The following PDE4D variants were observed in gnomAD, a reference collection of about 807,000 sequenced individuals.
PDE4D encodes the protein phosphodiesterase 4D, also known as 3',5'-cyclic-AMP phosphodiesterase 4D.
In PDE4D, 24 loss-of-function variants were observed where a neutral mutation model predicts 87.4. The ratio of observed to expected loss-of-function variants is 0.27; its 90% CI spans 0.20 to 0.39. The LOEUF (loss-of-function observed/expected upper bound fraction) is 0.39, where lower values mean the gene tolerates loss of function less well. Among genes scored for constraint, PDE4D ranks in the 10% least tolerant of loss-of-function variants. PDE4D has a pLI of 1.00. For missense variants in PDE4D, 714 were observed against 1,041.0 expected, an observed-to-expected ratio of 0.69 and a Z score of 4.32; for synonymous variants, 384 against 383.2, an observed-to-expected ratio of 1.00 and a Z score of -0.02.
intron 2 of PDE4D, among the ~76,000 whole-genome samples, chr5:60,119,949 T>C (rs1447114887): frequency 1.3e-5 from 2 of 152,064 alleles, no homozygotes; most frequent in Non-Finnish European, 2.9e-5. Context: ...CACTGAGAGA[T>C]GTAAAGGTAA....
chr5:59,626,393 A>G (rs1018973035), intron 1 of PDE4D, among the ~76,000 whole-genome samples: 9 of 152,236 alleles, frequency 5.9e-5, no homozygotes, highest in Non-Finnish European at 1.0e-4. Flanking sequence ...TATCCCAATA[A>G]AGCTGAAAGT....
At chr5:59,496,156 G>C (rs1316693110) in intron 1 of PDE4D, among the ~76,000 whole-genome samples, 1 of 152,094 alleles carries the variant, frequency 6.6e-6, no homozygotes, top group Admixed American at 6.5e-5. Flanking sequence ...AGCAGCCCGG[G>C]CTCTCCTATG....
intron 1 of PDE4D, among the ~76,000 whole-genome samples, chr5:60,243,297 A>G (rs1428541328): frequency 1.3e-5 from 2 of 152,050 alleles, no homozygotes; most frequent in African/African-American, 4.8e-5. Flanking sequence ...GAACAGACCA[A>G]TAATAAGCAA....
chr5:59,983,939 A>T (rs1326316568), intron 3 of PDE4D, among the ~76,000 whole-genome samples: 1 of 152,198 alleles, frequency 6.6e-6, no homozygotes, highest in Non-Finnish European at 1.5e-5. Context: ...CTCAAACTAG[A>T]AACAACCCAA....
At chr5:60,129,836 A>G (rs979365912) in intron 2 of PDE4D, among the ~76,000 whole-genome samples, 6 of 152,222 alleles carry the variant, frequency 3.9e-5, no homozygotes, top group African/African-American at 7.2e-5. Flanking sequence ...GCTAGAACAG[A>G]AAGGTCTCTA....
chr5:60,464,432 A>G (rs778854466), intron 1 of PDE4D, among the ~76,000 whole-genome samples: 8 of 152,158 alleles, frequency 5.3e-5, no homozygotes, highest in African/African-American at 9.7e-5. Flanking sequence ...TCCAGTCATC[A>G]CTCTGGATAT....
chr5:59,756,530 A>G (rs542961508), intron 1 of PDE4D, among the ~76,000 whole-genome samples: 2 of 151,958 alleles, frequency 1.3e-5, no homozygotes, highest in East Asian at 3.9e-4. Context: ...ACACACACAC[A>G]CACACAGAGA....
chr5:59,135,416 G>A (rs1305516914), intron 5 of PDE4D, among the ~76,000 whole-genome samples: 1 of 152,172 alleles, frequency 6.6e-6, no homozygotes, highest in Non-Finnish European at 1.5e-5. Context: ...TGTGGTCCCT[G>A]TTTCTGGGGT....
intron 6 of PDE4D, among the ~76,000 whole-genome samples, chr5:59,037,776 G>A (rs906424269): frequency 3.3e-5 from 5 of 152,056 alleles, no homozygotes; most frequent in Non-Finnish European, 7.4e-5. Context: ...TGGCTGTTAT[G>A]CCGTGGCCTT....
At chr5:60,177,641 T>C (rs1784036014) in intron 2 of PDE4D, among the ~76,000 whole-genome samples, 1 of 152,192 alleles carries the variant, frequency 6.6e-6, no homozygotes, top group African/African-American at 2.4e-5. Context: ...AACCTATTCT[T>C]TGACTGCAAA....
At chr5:59,415,073 T>G (rs180975148) in intron 1 of PDE4D, among the ~76,000 whole-genome samples, 1 of 152,064 alleles carries the variant, frequency 6.6e-6, no homozygotes, top group Non-Finnish European at 1.5e-5. Context: ...AAATAGGAGA[T>G]CATTGCAGCT....
At chr5:60,480,190 G>A (rs1462115000) in intron 1 of PDE4D, among the ~76,000 whole-genome samples, 1 of 152,064 alleles carries the variant, frequency 6.6e-6, no homozygotes, top group African/African-American at 2.4e-5. Flanking sequence ...CAAAGATACA[G>A]GGATCCTTTT....
chr5:60,033,726 G>A (rs1006472231), intron 2 of PDE4D, among the ~76,000 whole-genome samples: 2 of 152,138 alleles, frequency 1.3e-5, no homozygotes, highest in Admixed American at 6.5e-5. Context: ...TTTTGAAGAG[G>A]AACATTTTCA....
At chr5:60,296,661 CT>C (rs1244972301) in intron 1 of PDE4D, among the ~76,000 whole-genome samples, 2 of 152,138 alleles carry the variant, frequency 1.3e-5, no homozygotes, top group African/African-American at 4.8e-5. Context: ...TATTGCAGCA[CT>C]TTTCACAACA....
At chr5:59,423,722 A>G (rs1050986061) in intron 1 of PDE4D, among the ~76,000 whole-genome samples, 3 of 152,162 alleles carry the variant, frequency 2.0e-5, no homozygotes, top group Admixed American at 6.6e-5. Flanking sequence ...AGTTATTTAT[A>G]CCTAAAATAC....
chr5:59,692,709 C>T (rs538772234), intron 1 of PDE4D, among the ~76,000 whole-genome samples: 19 of 152,198 alleles, frequency 1.2e-4, no homozygotes, highest in African/African-American at 4.3e-4. Flanking sequence ...CATAGAAGCA[C>T]ATTTAAATGC....
chr5:59,395,429 CT>C, intron 1 of PDE4D, among the ~76,000 whole-genome samples: 1 of 152,360 alleles, frequency 6.6e-6, no homozygotes, highest in South Asian at 2.1e-4. Flanking sequence ...TCTCTGACCC[CT>C]GACCCCCGAG....
intron 1 of PDE4D, among the ~76,000 whole-genome samples, chr5:59,364,042 A>G (rs1215060646): frequency 6.6e-6 from 1 of 152,210 alleles, no homozygotes; most frequent in Non-Finnish European, 1.5e-5. Context: ...AGGGGCTACA[A>G]TAGAAATCCA....
chr5:59,425,254 A>C (rs982406582), intron 1 of PDE4D, among the ~76,000 whole-genome samples: 2 of 152,210 alleles, frequency 1.3e-5, no homozygotes, highest in African/African-American at 4.8e-5. Context: ...ATACCTAAAA[A>C]ATATCAATCA....
Sources: gnomAD v4.1 joint callset for allele counts (sites outside exome capture counted in the v4.1 genomes callset) on GRCh38, gnomAD v4.1.1 for gene constraint, MANE v1.5 for transcripts, NCBI Gene and HGNC (gene_info 2026-07-23, HGNC 2026-07-21) for gene names.